Variants in AATF observed in about 807,000 individuals in gnomAD.
AATF encodes the protein protein AATF.
AATF carries 48 observed loss-of-function variants against 63.7 expected under a neutral mutation model. The ratio of observed to expected loss-of-function variants is 0.75; its 90% CI spans 0.60 to 0.96. The LOEUF (loss-of-function observed/expected upper bound fraction) is 0.96, where lower values mean the gene tolerates loss of function less well. Ranked by LOEUF, AATF falls within the 40% of genes least tolerant of loss-of-function variation. The probability of loss-of-function intolerance (pLI) is 0.00; values close to 1 mark genes in which losing one functional copy is unlikely to be tolerated. For synonymous variants in AATF, 258 were observed against 247.7 expected (o/e 1.04, Z -0.39); for missense variants, 639 against 685.7 (o/e 0.93, Z 0.76).
In AATF at chr17:36,953,786, C is replaced by G. The variant is rs981373391; in HGVS notation, c.711C>G (p.Leu237=). 1 of 1,613,894 alleles carries G rather than the reference C, an allele frequency of 6.2e-7. No individual in the cohort carries two copies. The highest frequency in any genetic ancestry group is 1.1e-5 in the South Asian group (1 of 91,060). ...VKNQIALWDQ[L]LEGRIKLQKA... is the part of the protein sequence containing the mutation. ...TCTTTTCAGCACTGTGGGACCAGCTCTTGGAAGGAAGGATCAAACTACAAA... is the reference window on the plus strand; with the variant it reads ...TCTTTTCAGCACTGTGGGACCAGCTGTTGGAAGGAAGGATCAAACTACAAA... Residue 237 remains leucine (L), a synonymous_variant, in exon 4 of 12, where the codon CTC becomes CTG. Coordinates refer to ENST00000619387, the MANE Select transcript of AATF (RefSeq NM_012138.4).
At chr17:36,987,725 T>C (rs2071180111) in intron 5 of AATF, among the ~76,000 whole-genome samples, 1 of 152,258 alleles carries the variant, frequency 6.6e-6, no homozygotes, top group Admixed American at 6.5e-5. Flanking sequence ...TTAGTGCTAA[T>C]TGTTGCCTAC....
At chr17:37,012,209 A>G (rs1225754754) in intron 8 of AATF, among the ~76,000 whole-genome samples, 1 of 152,020 alleles carries the variant, frequency 6.6e-6, no homozygotes, top group Non-Finnish European at 1.5e-5. Context: ...ATGCGCCACC[A>G]TGCCCAGTTA....
At chr17:36,989,447 T>C in intron 7 of AATF, 36 bp downstream of exon 7, 1 of 1,553,746 alleles carries the variant, frequency 6.4e-7, no homozygotes, top group Non-Finnish European at 8.8e-7. Flanking sequence ...TTATGGGGAA[T>C]AGTTTCTATG....
rs1289025644 is a variant in AATF, at chr17:36,953,017, A to G, written c.415A>G (p.Ser139Gly). 6.2e-7 allele frequency: 1 copy of G among 1,614,172 alleles called. No individual in the cohort carries two copies. The change falls in exon 3 of 12, where the codon AGC becomes GGC. Residue 139 changes from serine (S) to glycine (G), a missense_variant. Transcript: ENST00000619387. ...TGGTGATCACAGGGAGAGCAAGAAG[A>G]GCAGAAGCCACTCTGCAAAAACACC... ...ECGDHRESKKSRSHSAKTPGF... is the reference protein window; with the variant it reads ...ECGDHRESKKGRSHSAKTPGF...
intron 8 of AATF, among the ~76,000 whole-genome samples, chr17:37,013,912 C>T (rs1190705959): frequency 2.6e-5 from 4 of 152,124 alleles, no homozygotes; most frequent in Non-Finnish European, 4.4e-5. Flanking sequence ...TTTGCACCTC[C>T]CTTCTACTTT....
intron 11 of AATF, among the ~76,000 whole-genome samples, chr17:37,047,714 C>T (rs1451649999): frequency 6.6e-6 from 1 of 152,208 alleles, no homozygotes; most frequent in Non-Finnish European, 1.5e-5. Flanking sequence ...TTGGAACAGA[C>T]CTTCTAGAGT....
At chr17:37,026,595 A>G (rs2071512783) in intron 10 of AATF, among the ~76,000 whole-genome samples, 1 of 152,226 alleles carries the variant, frequency 6.6e-6, no homozygotes. Flanking sequence ...CAATTTCCTC[A>G]TCTGTGAAAG....
At chr17:37,048,403 C>T (rs1417096657) in intron 11 of AATF, among the ~76,000 whole-genome samples, 2 of 120,828 alleles carry the variant, frequency 1.7e-5, no homozygotes, top group East Asian at 5.5e-4. Flanking sequence ...TGGAGTCTCA[C>T]TCTTTTGCCC....
intron 11 of AATF, chr17:37,051,297 A>C (rs1198401105): frequency 1.3e-5 from 2 of 152,060 alleles, no homozygotes; most frequent in Non-Finnish European, 2.9e-5. Context: ...CCAGTGTAGG[A>C]GGAGTGTGGT....
intron 8 of AATF, among the ~76,000 whole-genome samples, chr17:37,004,785 G>A (rs925669138): frequency 6.6e-5 from 10 of 152,184 alleles, no homozygotes; most frequent in Admixed American, 3.3e-4. Context: ...CTAGGAAAGC[G>A]TAGCTGCACT....
chr17:36,981,174 C>G (rs1055416609), intron 4 of AATF, among the ~76,000 whole-genome samples: 1 of 152,098 alleles, frequency 6.6e-6, no homozygotes, highest in Non-Finnish European at 1.5e-5. Context: ...TAAAAACTGA[C>G]TTGAACAACA....
At chr17:36,979,344 AAAAGC>A (rs752516866) in intron 4 of AATF, among the ~76,000 whole-genome samples, 97 of 152,350 alleles carry the variant, frequency 6.4e-4, no homozygotes, top group Non-Finnish European at 6.9e-4. Flanking sequence ...GTGAACTAAC[AAAAGC>A]AAAGCAAAGG....
intron 4 of AATF, among the ~76,000 whole-genome samples, chr17:36,964,604 T>G (rs1261298616): frequency 1.3e-5 from 2 of 152,180 alleles, no homozygotes; most frequent in Non-Finnish European, 2.9e-5. Flanking sequence ...AAAATTGTGT[T>G]TTCTTCCCTG....
chr17:37,031,812 G>A, intron 11 of AATF, 127 bp downstream of exon 11: 1 of 779,020 alleles, frequency 1.3e-6, no homozygotes, highest in Non-Finnish European at 2.2e-6. Flanking sequence ...TCGCAGTAAG[G>A]GTCACATCTC....
intron 11 of AATF, among the ~76,000 whole-genome samples, chr17:37,048,527 C>T (rs182673196): frequency 5.7e-4 from 86 of 152,120 alleles, no homozygotes; most frequent in African/African-American, 2.0e-3. Context: ...CACACCACCA[C>T]GCCCAGCTAT....
At chr17:37,048,572 T>C (rs1001106923) in intron 11 of AATF, among the ~76,000 whole-genome samples, 1 of 152,078 alleles carries the variant, frequency 6.6e-6, no homozygotes, top group Admixed American at 6.6e-5. Context: ...GGTTTCTCCA[T>C]GTTGGCCATG....
At chr17:37,009,772 G>A (rs1459198304) in intron 8 of AATF, among the ~76,000 whole-genome samples, 2 of 139,404 alleles carry the variant, frequency 1.4e-5, no homozygotes, top group Non-Finnish European at 3.0e-5. Flanking sequence ...AGCCGAGATT[G>A]CGCCACTGCA....
At chr17:36,985,345 C>T (rs1335034432) in intron 4 of AATF, among the ~76,000 whole-genome samples, 1 of 151,820 alleles carries the variant, frequency 6.6e-6, no homozygotes, top group African/African-American at 2.4e-5. Flanking sequence ...CACTGCTCAC[C>T]GCAGCCTCAG....
intron 2 of AATF, 148 bp downstream of exon 2, chr17:36,950,553 G>A (rs1567961658): frequency 3.6e-6 from 3 of 826,944 alleles, no homozygotes; most frequent in East Asian, 2.7e-5. Context: ...AGGCTGGAGT[G>A]TGATGGCGCC....
Sources: gnomAD v4.1 joint callset for allele counts (sites outside exome capture counted in the v4.1 genomes callset) on GRCh38, gnomAD v4.1.1 for gene constraint, MANE v1.5 for transcripts, NCBI Gene and HGNC (gene_info 2026-07-23, HGNC 2026-07-21) for gene names.